Variants in TUT7 observed in about 807,000 individuals in gnomAD.
TUT7 encodes terminal uridylyl transferase 7.
A neutral mutation model predicts 165.9 loss-of-function variants in TUT7; 33 were observed. The ratio of observed to expected loss-of-function variants is 0.20; its 90% CI spans 0.15 to 0.27. The LOEUF (loss-of-function observed/expected upper bound fraction) is 0.27, where lower values mean the gene tolerates loss of function less well. TUT7 is among the 10% of genes least tolerant of loss of function. The pLI is 1.00. For missense variants in TUT7, 1,338 were observed against 1,762.3 expected, an observed-to-expected ratio of 0.76 and a Z score of 4.31; for synonymous variants, 552 against 608.1, an observed-to-expected ratio of 0.91 and a Z score of 1.36.
At chr9:86,337,607 A>G (rs1830923115) in intron 9 of TUT7, 69 bp from the exon 10 acceptor site, 2 of 1,533,238 alleles carry the variant, frequency 1.3e-6, no homozygotes, top group South Asian at 2.5e-5. Flanking sequence ...GATTTGGCCT[A>G]AAACCTGTAA....
intron 18 of TUT7, 139 bp from the exon 19 acceptor site, chr9:86,310,156 T>C: frequency 1.6e-6 from 1 of 633,354 alleles, no homozygotes; most frequent in Non-Finnish European, 2.6e-6. Flanking sequence ...TGGGCTCAAG[T>C]GATCCTCCCC....
intron 10 of TUT7, among the ~76,000 whole-genome samples, chr9:86,334,478 T>C (rs1272796777): frequency 6.6e-6 from 1 of 152,212 alleles, no homozygotes; most frequent in East Asian, 1.9e-4. Flanking sequence ...TTGGCTTCAG[T>C]GGCAGGATTC....
intron 5 of TUT7, 30 bp from the exon 6 acceptor site, chr9:86,343,193 T>A: frequency 1.5e-6 from 2 of 1,323,084 alleles, no homozygotes; most frequent in Non-Finnish European, 2.1e-6. Flanking sequence ...ATAAAAGTAA[T>A]AAATACAGTA....
chr9:86,347,793 G>A (rs547724248), intron 2 of TUT7, among the ~76,000 whole-genome samples: 10 of 152,102 alleles, frequency 6.6e-5, no homozygotes, highest in South Asian at 2.1e-4. Flanking sequence ...GCTACCTTGC[G>A]CTACCTTAAT....
chr9:86,334,224 A>G (rs973853840), intron 10 of TUT7, among the ~76,000 whole-genome samples: 1 of 152,174 alleles, frequency 6.6e-6, no homozygotes, highest in Admixed American at 6.5e-5. Flanking sequence ...CAGGCTTTCA[A>G]TAATTAAAGA....
At chr9:86,301,839 A>G in intron 25 of TUT7, 1 of 985,390 alleles carries the variant, frequency 1.0e-6, no homozygotes, top group Non-Finnish European at 1.2e-6. Flanking sequence ...CTGTAAAACC[A>G]ATGACTGCAA....
rs1482057472 is a variant in TUT7 at position 86,353,138 on chromosome 9, T to G, written c.62A>C (p.Asp21Ala). 3.7e-6 allele frequency: 6 copies of G among 1,611,266 alleles called. No homozygotes were observed. Among genetic ancestry groups the G allele is most frequent in the Non-Finnish European group, 4.2e-6 (5 of 1,179,376 alleles). ...KRTKDRGTMDDDDFRRGHPQQ... is the reference protein window; with the variant it reads ...KRTKDRGTMDADDFRRGHPQQ... ...GGGGTGACCCCTTCTGAAGTCATCA[T>G]CATCCATAGTCCCCCGGTCTTTAGT... The change falls in exon 2 of 27, where the codon GAT becomes GCT. Residue 21 changes from aspartate (D) to alanine (A), a missense_variant. Around this residue, in one of 7 missense-constraint regions of TUT7, gnomAD observed 434 missense variants for 480.8 expected, o/e 0.90. Transcript: ENST00000375963.
chr9:86,333,698 T>C (rs543629810), intron 10 of TUT7, among the ~76,000 whole-genome samples: 2 of 152,344 alleles, frequency 1.3e-5, no homozygotes, highest in South Asian at 2.1e-4. Context: ...ATTTCAACAT[T>C]TGTCATATCC....
At position 86,330,134 on chromosome 9, in the gene TUT7, T is replaced by G. The variant is rs192594593; in HGVS notation, c.1456-1642A>C. On this transcript the variant is annotated intron_variant, in intron 10 of 26. Coordinates refer to ENST00000375963, the MANE Select transcript of TUT7 (RefSeq NM_024617.4). ...GTGCAGTGGCATGATCTCGGCTCAC[T>G]GCAACCTCTACCTCCTGGGTTGAAG... Among the ~76,000 whole-genome samples, 241 of 152,272 alleles carry G rather than the reference T, an allele frequency of 1.6e-3. 3 individuals are homozygous for G. The South Asian group carries it at 0.018, about 12-fold the overall frequency.
At position 86,308,511 on chromosome 9, in the gene TUT7, T is replaced by A. The variant is rs754076671; in HGVS notation, c.3756A>T (p.Lys1252Asn). ...LRFYTEEFDF[K>N]EHVISIRRKS... ...TTCTCCTGATGCTAATAACATGTTC[T>A]TTAAAATCAAATTCCTCTGTGTAGA... is the stretch of plus-strand genomic sequence containing the variant. Residue 1252 changes from lysine to asparagine, a missense_variant, in exon 22 of 27, where the codon AAA becomes AAT. Coordinates refer to ENST00000375963, the MANE Select transcript of TUT7 (RefSeq NM_024617.4). The A allele has an allele frequency of 6.2e-7, 1 of 1,614,164 alleles. No individual in the cohort carries two copies. The highest frequency in any genetic ancestry group is 8.5e-7 in the Non-Finnish European group (1 of 1,180,014).
At chr9:86,343,217 G>T in intron 5 of TUT7, 54 bp from the exon 6 acceptor site, 1 of 1,159,282 alleles carries the variant, frequency 8.6e-7, no homozygotes, top group South Asian at 1.8e-5. Context: ...TTTCTCAAAA[G>T]TTATAACAAA....
intron 10 of TUT7, among the ~76,000 whole-genome samples, chr9:86,336,282 G>C (rs1228575627): frequency 6.6e-6 from 1 of 152,200 alleles, no homozygotes; most frequent in Non-Finnish European, 1.5e-5. Context: ...GTGCTGGAAA[G>C]AGTTATTTAT....
intron 22 of TUT7, 146 bp downstream of exon 22, chr9:86,308,283 A>C: frequency 3.3e-6 from 2 of 610,336 alleles, no homozygotes; most frequent in Non-Finnish European, 2.6e-6. Flanking sequence ...TAAGGCTGGA[A>C]AGAGAAAAGT....
chr9:86,318,063 A>G (rs1415997556), intron 16 of TUT7, among the ~76,000 whole-genome samples: 7 of 152,238 alleles, frequency 4.6e-5, no homozygotes, highest in Non-Finnish European at 1.0e-4. Context: ...TACATCCTCA[A>G]AATAGAAAGA....
intron 24 of TUT7, among the ~76,000 whole-genome samples, chr9:86,303,754 G>A (rs573935505): frequency 6.6e-6 from 1 of 152,264 alleles, no homozygotes; most frequent in South Asian, 2.1e-4. Flanking sequence ...CATCCCCAGG[G>A]AGCTTGCTGG....
chr9:86,345,234 T>TA, intron 4 of TUT7, 80 bp from the exon 5 acceptor site: 1 of 1,374,406 alleles, frequency 7.3e-7, no homozygotes, highest in Non-Finnish European at 9.8e-7. Flanking sequence ...CAACACCCTA[T>TA]AGAGTTTTCT....
intron 26 of TUT7, chr9:86,298,743 TTG>T: frequency 3.1e-6 from 3 of 971,218 alleles, no homozygotes; most frequent in Non-Finnish European, 3.7e-6. Context: ...TAACACACAT[TTG>T]TTTTTTTTAA....
At chr9:86,339,822 T>C (rs1831177545) in intron 8 of TUT7, among the ~76,000 whole-genome samples, 1 of 152,224 alleles carries the variant, frequency 6.6e-6, no homozygotes, top group African/African-American at 2.4e-5. Flanking sequence ...TTCCTTGCTA[T>C]ATTTTTTCTT....
chr9:86,353,768 C>T (rs1832505806), intron 1 of TUT7, among the ~76,000 whole-genome samples: 1 of 152,166 alleles, frequency 6.6e-6, no homozygotes, highest in African/African-American at 2.4e-5. Flanking sequence ...GCTTAGGTTA[C>T]GGAGGGGCTG....
Sources: allele counts gnomAD v4.1 joint callset (sites outside exome capture counted in the v4.1 genomes callset), GRCh38; gene constraint gnomAD v4.1.1; regional missense constraint gnomAD v4.1.1; transcripts MANE v1.5; gene names NCBI Gene and HGNC (gene_info 2026-07-23, HGNC 2026-07-21).